Variants in EFCAB11 observed in about 807,000 individuals in gnomAD.
EFCAB11 encodes the protein EF-hand calcium-binding domain-containing protein 11.
EFCAB11 carries 14 observed loss-of-function variants against 23.0 expected under a neutral mutation model. The ratio of observed to expected loss-of-function variants is 0.61; its 90% confidence interval spans 0.40 to 0.95. The LOEUF (loss-of-function observed/expected upper bound fraction) is 0.95, where lower values mean the gene tolerates loss of function less well. Among genes scored for constraint, EFCAB11 ranks in the 40% least tolerant of loss-of-function variants. EFCAB11 has a pLI of 0.00. For synonymous variants in EFCAB11, 65 were observed against 66.6 expected, an observed-to-expected ratio of 0.98 and a Z score of 0.11; for missense variants, 198 against 195.8, an observed-to-expected ratio of 1.01 and a Z score of -0.07.
intron 3 of EFCAB11, among the ~76,000 whole-genome samples, chr14:89,933,607 C>G (rs1195518218): frequency 6.6e-6 from 1 of 152,138 alleles, no homozygotes; most frequent in East Asian, 1.9e-4. Context: ...AGAAATCTGT[C>G]TCTTTTTAAA....
At chr14:89,822,220 T>C (rs760926162) in intron 5 of EFCAB11, among the ~76,000 whole-genome samples, 1 of 152,206 alleles carries the variant, frequency 6.6e-6, no homozygotes, top group Admixed American at 6.5e-5. Flanking sequence ...CTGTTATAAA[T>C]GTATTCTCAA....
At chr14:89,900,602 G>A (rs963726838) in intron 5 of EFCAB11, among the ~76,000 whole-genome samples, 2 of 152,210 alleles carry the variant, frequency 1.3e-5, no homozygotes, top group South Asian at 2.1e-4. Flanking sequence ...CCGGAACACA[G>A]CCAGTGGGAA....
At chr14:89,818,990 T>C (rs922832836) in intron 5 of EFCAB11, among the ~76,000 whole-genome samples, 9 of 152,130 alleles carry the variant, frequency 5.9e-5, no homozygotes, top group Non-Finnish European at 1.0e-4. Flanking sequence ...ATATAATACA[T>C]CTACCACACG....
intron 5 of EFCAB11, among the ~76,000 whole-genome samples, chr14:89,845,096 T>C (rs1027221253): frequency 2.9e-4 from 44 of 152,250 alleles, no homozygotes; most frequent in African/African-American, 1.0e-3. Context: ...ATTATTTTAC[T>C]CTTGCAAATA....
At chr14:89,815,799 G>A (rs935335386) in intron 5 of EFCAB11, among the ~76,000 whole-genome samples, 4 of 152,018 alleles carry the variant, frequency 2.6e-5, no homozygotes, top group African/African-American at 7.2e-5. Flanking sequence ...ATAAACTGAT[G>A]GAAGAAAGTG....
intron 5 of EFCAB11, among the ~76,000 whole-genome samples, chr14:89,823,347 TAG>T (rs951130459): frequency 4.9e-4 from 75 of 152,274 alleles, no homozygotes; most frequent in African/African-American, 1.7e-3. Context: ...AGCTTGAAAG[TAG>T]ATTCTTCCCA....
chr14:89,933,551 A>G (rs1256523301), intron 3 of EFCAB11, among the ~76,000 whole-genome samples: 1 of 152,238 alleles, frequency 6.6e-6, no homozygotes, highest in Non-Finnish European at 1.5e-5. Flanking sequence ...TGATTTTCTT[A>G]ATTTCCTACA....
intron 5 of EFCAB11, among the ~76,000 whole-genome samples, chr14:89,921,078 AAAAG>A (rs61635141): frequency 6.6e-6 from 1 of 150,638 alleles, no homozygotes. Context: ...AAAAAAAAAG[AAAAG>A]AAAGAAAGAA....
At chr14:89,887,080 TA>T in intron 5 of EFCAB11, among the ~76,000 whole-genome samples, 1 of 152,318 alleles carries the variant, frequency 6.6e-6, no homozygotes, top group African/African-American at 2.4e-5. Context: ...TGCTCTGAAC[TA>T]ACCTGAACAT....
At chr14:89,878,375 T>C (rs761638607) in intron 5 of EFCAB11, among the ~76,000 whole-genome samples, 14 of 152,206 alleles carry the variant, frequency 9.2e-5, no homozygotes, top group Non-Finnish European at 1.5e-4. Context: ...GAAGCTATTA[T>C]TTATATAAAG....
At chr14:89,829,358 G>T (rs1209840366) in intron 5 of EFCAB11, among the ~76,000 whole-genome samples, 2 of 152,218 alleles carry the variant, frequency 1.3e-5, no homozygotes, top group African/African-American at 2.4e-5. Flanking sequence ...GTAAAGGCTA[G>T]TGCGTTAAAT....
intron 3 of EFCAB11, among the ~76,000 whole-genome samples, chr14:89,935,560 T>C (rs989749769): frequency 1.3e-5 from 2 of 152,120 alleles, no homozygotes; most frequent in Non-Finnish European, 2.9e-5. Flanking sequence ...TAAAGGCATA[T>C]GCCACCATGC....
intron 2 of EFCAB11, among the ~76,000 whole-genome samples, chr14:89,950,896 C>T (rs1338832509): frequency 6.6e-6 from 1 of 152,098 alleles, no homozygotes; most frequent in South Asian, 2.1e-4. Context: ...TTCAAGTCCC[C>T]TCCTACCCTT....
At chr14:89,879,038 A>C (rs947526783) in intron 5 of EFCAB11, among the ~76,000 whole-genome samples, 1 of 151,752 alleles carries the variant, frequency 6.6e-6, no homozygotes, top group Non-Finnish European at 1.5e-5. Context: ...CCTTGTTTTG[A>C]CCTTTCTTTT....
intron 5 of EFCAB11, among the ~76,000 whole-genome samples, chr14:89,905,683 G>C (rs1489615126): frequency 6.6e-6 from 1 of 152,090 alleles, no homozygotes; most frequent in African/African-American, 2.4e-5. Flanking sequence ...GAAGTAACAG[G>C]AAAAAGAGCC....
intron 5 of EFCAB11, among the ~76,000 whole-genome samples, chr14:89,823,973 T>C (rs1886608344): frequency 6.6e-6 from 1 of 152,102 alleles, no homozygotes; most frequent in Non-Finnish European, 1.5e-5. Flanking sequence ...AACATATGCA[T>C]AATTGGAGTA....
intron 5 of EFCAB11, among the ~76,000 whole-genome samples, chr14:89,813,006 TAGAAG>T (rs1886199831): frequency 6.6e-6 from 1 of 152,142 alleles, no homozygotes; most frequent in African/African-American, 2.4e-5. Context: ...GTTTTCACTA[TAGAAG>T]AGAAAATGGG....
intron 5 of EFCAB11, among the ~76,000 whole-genome samples, chr14:89,812,349 T>G (rs1446128899): frequency 1.3e-5 from 2 of 152,244 alleles, no homozygotes; most frequent in African/African-American, 4.8e-5. Context: ...TATTCCTGGA[T>G]GGGAAGACTG....
chr14:89,861,735 AAG>A (rs1887928602), intron 5 of EFCAB11, among the ~76,000 whole-genome samples: 1 of 152,168 alleles, frequency 6.6e-6, no homozygotes, highest in Admixed American at 6.5e-5. Context: ...GCTTTATAAA[AAG>A]AGGAAGAGAG....
Sources: gnomAD v4.1 joint callset for allele counts (sites outside exome capture counted in the v4.1 genomes callset) on GRCh38, gnomAD v4.1.1 for gene constraint, MANE v1.5 for transcripts, NCBI Gene and HGNC (gene_info 2026-07-23, HGNC 2026-07-21) for gene names.